The following NLGN1 variants were observed in gnomAD, a reference collection of about 807,000 sequenced individuals.
NLGN1 encodes the protein neuroligin 1.
A neutral mutation model predicts 65.5 loss-of-function variants in NLGN1; 12 were observed. The observed-to-expected ratio is 0.18, with a 90% CI of 0.12 to 0.30. The LOEUF is 0.30. NLGN1 is among the 10% of genes least tolerant of loss of function. NLGN1 has a pLI of 1.00. For missense variants in NLGN1, 750 were observed against 1,007.1 expected (o/e 0.74, Z 3.46); for synonymous variants, 350 against 359.5 (o/e 0.97, Z 0.30).
At chr3:173,397,905 G>GT (rs550763477), upstream of NLGN1, 181 of 152,404 alleles carry the variant, frequency 1.2e-3, no homozygotes, top group Middle Eastern at 6.8e-3. Flanking sequence ...AGACCGGAGA[G>GT]AAGGGAGCGA....
chr3:173,512,618 A>G (rs938724765), intron 2 of NLGN1, among the ~76,000 whole-genome samples: 8 of 152,186 alleles, frequency 5.3e-5, no homozygotes, highest in Admixed American at 2.6e-4. Context: ...TGATAAAAAG[A>G]CATTATTCAG....
chr3:173,411,243 C>T (rs1307129814), intron 1 of NLGN1, among the ~76,000 whole-genome samples: 1 of 152,192 alleles, frequency 6.6e-6, no homozygotes, highest in East Asian at 1.9e-4. Flanking sequence ...ACCTAGAAGT[C>T]AGATCATTCC....
intron 4 of NLGN1, among the ~76,000 whole-genome samples, chr3:173,894,689 T>A (rs1443555617): frequency 2.0e-5 from 3 of 150,972 alleles, no homozygotes; most frequent in South Asian, 2.1e-4. Flanking sequence ...TGGAGTGCAA[T>A]GGCAATGGCA....
intron 3 of NLGN1, among the ~76,000 whole-genome samples, chr3:173,675,670 T>C (rs1277724860): frequency 2.6e-5 from 4 of 151,850 alleles, no homozygotes; most frequent in Non-Finnish European, 5.9e-5. Flanking sequence ...TTGCTAGAGG[T>C]GTTGGGGGAG....
intron 4 of NLGN1, among the ~76,000 whole-genome samples, chr3:174,024,141 T>TAAAAA (rs34508881): frequency 2.7e-4 from 23 of 86,032 alleles, no homozygotes; most frequent in South Asian, 4.9e-4. Context: ...AGAGTCCTAT[T>TAAAAA]AAAAAAAAAA....
intron 4 of NLGN1, among the ~76,000 whole-genome samples, chr3:173,809,516 T>C (rs1178745198): frequency 2.6e-5 from 4 of 152,208 alleles, no homozygotes; most frequent in Non-Finnish European, 5.9e-5. Context: ...TGCTAAATTA[T>C]GGTAACAGTG....
intron 2 of NLGN1, among the ~76,000 whole-genome samples, chr3:173,448,400 G>C (rs372021856): frequency 1.2e-4 from 18 of 152,178 alleles, no homozygotes; most frequent in South Asian, 4.1e-4. Flanking sequence ...CCTTGCATCC[G>C]AGGGATGAAG....
At chr3:174,096,027 AT>A (rs1243438453) in intron 4 of NLGN1, among the ~76,000 whole-genome samples, 1 of 151,822 alleles carries the variant, frequency 6.6e-6, no homozygotes, top group Non-Finnish European at 1.5e-5. Context: ...ATAAAAAGTA[AT>A]TAAAAAATAA....
At chr3:174,192,205 C>T (rs1732530862) in intron 4 of NLGN1, among the ~76,000 whole-genome samples, 1 of 151,842 alleles carries the variant, frequency 6.6e-6, no homozygotes, top group Non-Finnish European at 1.5e-5. Flanking sequence ...AAAAGGCATG[C>T]TGTAATGAGA....
intron 4 of NLGN1, among the ~76,000 whole-genome samples, chr3:174,102,578 C>T (rs894796841): frequency 4.6e-5 from 7 of 151,840 alleles, no homozygotes; most frequent in Non-Finnish European, 7.4e-5. Context: ...AGAAAAATGA[C>T]GATAGGAATA....
chr3:173,600,230 T>C (rs1750249318), intron 2 of NLGN1, among the ~76,000 whole-genome samples: 1 of 85,990 alleles, frequency 1.2e-5, no homozygotes, highest in East Asian at 4.7e-4. Flanking sequence ...CACACACGTG[T>C]ATGTCTTTAA....
intron 2 of NLGN1, among the ~76,000 whole-genome samples, chr3:173,493,366 A>C (rs902257947): frequency 6.6e-6 from 1 of 151,824 alleles, no homozygotes; most frequent in African/African-American, 2.4e-5. Context: ...AAAATGGCCT[A>C]ATTTCAGCAA....
chr3:173,648,118 A>G (rs996078084), intron 3 of NLGN1, among the ~76,000 whole-genome samples: 1 of 152,146 alleles, frequency 6.6e-6, no homozygotes, highest in Non-Finnish European at 1.5e-5. Context: ...AGAACAAAGT[A>G]GAATTAACAC....
At position 173,709,524 on chromosome 3, in the gene NLGN1, G is replaced by A. The variant is rs181927973; in HGVS notation, c.494-98156G>A. 2.2e-4 allele frequency among the ~76,000 whole-genome samples: 33 copies of A among 152,084 alleles called. No homozygotes were observed. The East Asian group carries it at 6.0e-3, about 28-fold the overall frequency. On this transcript the variant is annotated intron_variant, in intron 3 of 6. Coordinates refer to ENST00000457714, the Ensembl canonical transcript of NLGN1. ...GCATAAGAAACATCAAGAACCAGCCGGGCACAGTGGCTCACGCCTGTAATC... is the reference window on the plus strand; with the variant it reads ...GCATAAGAAACATCAAGAACCAGCCAGGCACAGTGGCTCACGCCTGTAATC...
intron 4 of NLGN1, among the ~76,000 whole-genome samples, chr3:174,129,734 T>A (rs1293780689): frequency 6.6e-6 from 1 of 152,184 alleles, no homozygotes; most frequent in African/African-American, 2.4e-5. Context: ...AATTTGTATT[T>A]AATAATGTTT....
At chr3:174,156,580 T>C (rs889890872) in intron 4 of NLGN1, among the ~76,000 whole-genome samples, 5 of 151,782 alleles carry the variant, frequency 3.3e-5, no homozygotes, top group African/African-American at 1.2e-4. Context: ...CCATATTTAG[T>C]GTATCAAAGG....
At chr3:173,767,488 A>C (rs1185807590) in intron 3 of NLGN1, among the ~76,000 whole-genome samples, 1 of 151,888 alleles carries the variant, frequency 6.6e-6, no homozygotes, top group Non-Finnish European at 1.5e-5. Flanking sequence ...ACCAGACAGT[A>C]ATAATAATAA....
intron 3 of NLGN1, among the ~76,000 whole-genome samples, chr3:173,612,255 A>G (rs1752417522): frequency 6.6e-6 from 1 of 152,152 alleles, no homozygotes; most frequent in Non-Finnish European, 1.5e-5. Context: ...ATTTCTAATC[A>G]TAAATCTTCA....
intron 2 of NLGN1, among the ~76,000 whole-genome samples, chr3:173,546,047 A>G (rs1004439423): frequency 6.6e-6 from 1 of 152,174 alleles, no homozygotes; most frequent in African/African-American, 2.4e-5. Context: ...TACCTATGTA[A>G]CAAACCTCCA....
Sources: gnomAD v4.1 joint callset for allele counts (sites outside exome capture counted in the v4.1 genomes callset) on GRCh38, gnomAD v4.1.1 for gene constraint, MANE v1.5 for transcripts, NCBI Gene and HGNC (gene_info 2026-07-23, HGNC 2026-07-21) for gene names.